The following NTM variants were observed in gnomAD, a reference collection of about 807,000 sequenced individuals.
NTM encodes IgLON family member 2.
In NTM, 13 loss-of-function variants were observed where a neutral mutation model predicts 42.1. That is an observed-to-expected ratio of 0.31 (90% CI 0.20 to 0.49). The LOEUF (loss-of-function observed/expected upper bound fraction) is 0.49, where lower values mean the gene tolerates loss of function less well. NTM is among the 20% of genes least tolerant of loss of function. NTM has a pLI of 0.99. For synonymous variants in NTM, 187 were observed against 179.2 expected, an observed-to-expected ratio of 1.04 and a Z score of -0.35; for missense variants, 373 against 452.8, an observed-to-expected ratio of 0.82 and a Z score of 1.60.
chr11:131,789,265 G>T (rs968628834), intron 1 of NTM, among the ~76,000 whole-genome samples: 1 of 151,078 alleles, frequency 6.6e-6, no homozygotes, highest in African/African-American at 2.4e-5. Flanking sequence ...TATAGAAATC[G>T]GAAATTTCAT....
At chr11:131,973,521 G>A (rs1341497258) in intron 2 of NTM, among the ~76,000 whole-genome samples, 1 of 152,138 alleles carries the variant, frequency 6.6e-6, no homozygotes. Context: ...CTTGTTTTTA[G>A]AAGACTAACT....
At chr11:132,315,338 AGCAGACAGCTGT>A (rs1275463708) in intron 7 of NTM, among the ~76,000 whole-genome samples, 3 of 152,222 alleles carry the variant, frequency 2.0e-5, no homozygotes, top group Non-Finnish European at 4.4e-5. Context: ...TGCCCCTGCT[AGCAGACAGCTGT>A]GCAGACATGA....
intron 2 of NTM, among the ~76,000 whole-genome samples, chr11:132,052,432 C>T (rs543177804): frequency 2.6e-5 from 4 of 152,146 alleles, no homozygotes; most frequent in Non-Finnish European, 5.9e-5. Flanking sequence ...GTAAATGGCA[C>T]TTTATCAGTT....
intron 2 of NTM, among the ~76,000 whole-genome samples, chr11:131,922,971 T>TAAGAAATGTTCTTCCCTC (rs1223604375): frequency 6.6e-6 from 1 of 152,190 alleles, no homozygotes; most frequent in Non-Finnish European, 1.5e-5. Flanking sequence ...GTTCTTGACT[T>TAAGAAATGTTCTTCCCTC]AAGAAATGTT....
At chr11:132,110,566 G>C (rs1358561989) in intron 2 of NTM, among the ~76,000 whole-genome samples, 1 of 152,064 alleles carries the variant, frequency 6.6e-6, no homozygotes, top group Non-Finnish European at 1.5e-5. Context: ...ATCCATGTTT[G>C]GTTGAAATTT....
In NTM at chr11:132,173,078, G is replaced by A. The variant is rs1259735615; in HGVS notation, c.400+26564G>A. ...AATTAAACCTCACAATATGCAGTGA[G>A]GTCAAGTAATGTTTGATGCTAGACA... On this transcript the variant is annotated intron_variant, in intron 3 of 8. Transcript: ENST00000683400. Among the ~76,000 whole-genome samples, 4 of 152,284 alleles carry A rather than the reference G, an allele frequency of 2.6e-5. No homozygotes were observed. In the South Asian group the frequency reaches 8.3e-4, roughly 32 times the overall value.
intron 1 of NTM, among the ~76,000 whole-genome samples, chr11:131,803,964 CTATT>C (rs2092331306): frequency 1.3e-5 from 2 of 152,244 alleles, no homozygotes; most frequent in South Asian, 4.1e-4. Context: ...CCAGCCTTGA[CTATT>C]TATCCAAAAA....
intron 3 of NTM, among the ~76,000 whole-genome samples, chr11:132,186,523 C>G (rs1171489466): frequency 2.6e-5 from 4 of 152,184 alleles, no homozygotes; most frequent in Non-Finnish European, 4.4e-5. Flanking sequence ...GATAAAGACT[C>G]CATCTTATCA....
At chr11:132,119,375 C>T (rs1450843310) in intron 2 of NTM, among the ~76,000 whole-genome samples, 2 of 152,024 alleles carry the variant, frequency 1.3e-5, no homozygotes, top group Non-Finnish European at 2.9e-5. Context: ...GTGCGCTTGA[C>T]ATCATGACTG....
chr11:132,048,118 G>C (rs985918253), intron 2 of NTM, among the ~76,000 whole-genome samples: 1 of 151,676 alleles, frequency 6.6e-6, no homozygotes, highest in African/African-American at 2.4e-5. Flanking sequence ...CCTTTTTTAT[G>C]TGTCTTTTGG....
chr11:131,448,199 C>T (rs565213826), intron 1 of NTM, among the ~76,000 whole-genome samples: 51 of 152,352 alleles, frequency 3.3e-4, no homozygotes, highest in Admixed American at 1.8e-3. Context: ...GCGCTGAAGC[C>T]GCTGCCTTTG....
At chr11:132,325,690 T>C (rs2095664244) in intron 7 of NTM, among the ~76,000 whole-genome samples, 2 of 152,108 alleles carry the variant, frequency 1.3e-5, no homozygotes. Context: ...GGACTATAAA[T>C]CATGCTGCTA....
At chr11:131,696,461 C>A (rs893928714) in intron 1 of NTM, among the ~76,000 whole-genome samples, 4 of 152,142 alleles carry the variant, frequency 2.6e-5, no homozygotes, top group African/African-American at 4.8e-5. Context: ...TGCCCACAAG[C>A]CTGGATCAGA....
chr11:131,917,971 A>G (rs2056656684), intron 2 of NTM, among the ~76,000 whole-genome samples: 1 of 152,238 alleles, frequency 6.6e-6, no homozygotes, highest in Non-Finnish European at 1.5e-5. Flanking sequence ...AGGAGGCTAC[A>G]GGGGGCCAGC....
chr11:132,319,696 A>G (rs1033187003), intron 7 of NTM, among the ~76,000 whole-genome samples: 1 of 152,262 alleles, frequency 6.6e-6, no homozygotes, highest in African/African-American at 2.4e-5. Flanking sequence ...CTCTGGGGGC[A>G]GAGCACAGAC....
In NTM at chr11:131,708,273, G is replaced by T. The variant is rs538535429; in HGVS notation, c.83-203291G>T. Among the ~76,000 whole-genome samples, 5 of 152,136 alleles carry T rather than the reference G, an allele frequency of 3.3e-5. No homozygotes were observed. The South Asian group carries it at 8.3e-4, about 25-fold the overall frequency. On this transcript the variant is annotated intron_variant, in intron 1 of 8. Transcript: ENST00000683400. Reference sequence around the variant, plus strand: ...GTAAAATAAACTGAAAATATGAAGAGCTAGTTAAAATACATGAATGTTCAA... The same window carrying T: ...GTAAAATAAACTGAAAATATGAAGATCTAGTTAAAATACATGAATGTTCAA...
intron 1 of NTM, among the ~76,000 whole-genome samples, chr11:131,394,024 T>C (rs1187124120): frequency 3.3e-5 from 5 of 152,206 alleles, no homozygotes; most frequent in Non-Finnish European, 7.3e-5. Context: ...AGGCCAGGAA[T>C]TGATGTATTC....
chr11:132,012,973 T>C (rs78530918), intron 2 of NTM, among the ~76,000 whole-genome samples: 7,532 of 152,208 alleles, frequency 0.049, 255 homozygotes, highest in Non-Finnish European at 0.073. Flanking sequence ...ATGGAGTTAA[T>C]TTTGGACTTA....
At chr11:131,495,612 T>A (rs1955257284) in intron 1 of NTM, among the ~76,000 whole-genome samples, 1 of 152,146 alleles carries the variant, frequency 6.6e-6, no homozygotes, top group Non-Finnish European at 1.5e-5. Context: ...GGTGCTGAGA[T>A]CATGTGCTGC....
Sources: allele counts gnomAD v4.1 joint callset (sites outside exome capture counted in the v4.1 genomes callset), GRCh38; gene constraint gnomAD v4.1.1; transcripts MANE v1.5; gene names NCBI Gene and HGNC (gene_info 2026-07-23, HGNC 2026-07-21).